The following BCAS3 variants were observed in gnomAD, a reference collection of about 807,000 sequenced individuals.
BCAS3 encodes BCAS3 microtubule associated cell migration factor.
In BCAS3, 53 loss-of-function variants were observed where a neutral mutation model predicts 116.1. That is an observed-to-expected ratio of 0.46 (90% confidence interval 0.37 to 0.57). The LOEUF (loss-of-function observed/expected upper bound fraction) is 0.57. Ranked by LOEUF, BCAS3 falls within the 20% of genes least tolerant of loss-of-function variation. BCAS3 has a pLI of 0.00. For missense variants in BCAS3, 917 were observed against 1,165.4 expected, an observed-to-expected ratio of 0.79 and a Z score of 3.10; for synonymous variants, 391 against 408.2, an observed-to-expected ratio of 0.96 and a Z score of 0.51.
At position 61,151,445 on chromosome 17, in the gene BCAS3, A is replaced by C. The variant is rs1433523908; in HGVS notation, c.2425+66881A>C. Among the ~76,000 whole-genome samples the C allele has an allele frequency of 1.3e-5, 2 of 150,328 alleles. No individual in the cohort carries two copies. Among genetic ancestry groups the C allele is most frequent in the Non-Finnish European group, 3.0e-5 (2 of 67,778 alleles). The stretch of plus-strand genomic sequence containing the variant: ...TTCCGCAAATTCCTGCATTGCTTCT[A>C]ATCTAAACATCTCTTTCATTCAACG... On this transcript the variant is annotated intron_variant, in intron 22 of 23. Coordinates refer to ENST00000407086, the MANE Select transcript of BCAS3 (RefSeq NM_017679.5). The surrounding 1 kb of genome is among the most constrained non-coding windows in gnomAD (Gnocchi z 4.8).
chr17:60,734,387 C>A (rs967872727), intron 5 of BCAS3, among the ~76,000 whole-genome samples: 1 of 152,206 alleles, frequency 6.6e-6, no homozygotes, highest in South Asian at 2.1e-4. Flanking sequence ...ACTTCAGCCT[C>A]CCAAAGTGCT....
At chr17:60,691,221 C>T (rs1260371683) in intron 4 of BCAS3, among the ~76,000 whole-genome samples, 1 of 152,166 alleles carries the variant, frequency 6.6e-6, no homozygotes, top group Non-Finnish European at 1.5e-5. Flanking sequence ...GTGTGAGCCA[C>T]TGCGCCCAGC....
intron 22 of BCAS3, among the ~76,000 whole-genome samples, chr17:61,287,222 T>C (rs1255237092): frequency 6.6e-6 from 1 of 150,678 alleles, no homozygotes; most frequent in Non-Finnish European, 1.5e-5. Context: ...CACTCCAGCC[T>C]GGGCAACAGA....
chr17:60,789,296 C>T lies in BCAS3; in HGVS notation c.404-18708C>T, dbSNP rs1041269674. The stretch of plus-strand genomic sequence containing the variant: ...TTTATGTCTTGAAAAATCCTTAAGG[C>T]TGATTTCTGAGCTTAAATCCTTTGG... On this transcript the variant is annotated intron_variant, in intron 6 of 23. Coordinates refer to ENST00000407086, the MANE Select transcript of BCAS3 (RefSeq NM_017679.5). Among the ~76,000 whole-genome samples the T allele has an allele frequency of 1.2e-4, 18 of 152,084 alleles. 1 individual carries two copies. Among genetic ancestry groups the T allele is most frequent in the African/African-American group, 4.1e-4 (17 of 41,420 alleles).
At chr17:60,906,027 C>T (rs2058171376) in intron 11 of BCAS3, among the ~76,000 whole-genome samples, 1 of 152,208 alleles carries the variant, frequency 6.6e-6, no homozygotes, top group African/African-American at 2.4e-5. Context: ...ACCTGACTTC[C>T]AGATATCCCT....
chr17:61,268,586 T>G (rs373597885), intron 22 of BCAS3, among the ~76,000 whole-genome samples: 12 of 149,248 alleles, frequency 8.0e-5, no homozygotes, highest in African/African-American at 2.8e-4. Context: ...GTTTTTTTTG[T>G]TTTTTTTGTT....
At chr17:60,965,897 G>A (rs2061636736) in intron 14 of BCAS3, among the ~76,000 whole-genome samples, 1 of 152,110 alleles carries the variant, frequency 6.6e-6, no homozygotes. Flanking sequence ...TTTCATTGTT[G>A]ATTTTATGTC....
rs574787842 is a variant in BCAS3, at chr17:61,348,057, A to G, written c.2426-20270A>G. 3.3e-5 allele frequency among the ~76,000 whole-genome samples: 5 copies of G among 152,362 alleles called. No homozygotes were observed. Among genetic ancestry groups the G allele is most frequent in the Admixed American group, 3.3e-4 (5 of 15,314 alleles). Reference sequence around the variant, plus strand: ...GAAGAATGAATTGAAGGGAAGCCACATTAATAGGCGGAAAGACCAGTTTAA... The same window carrying G: ...GAAGAATGAATTGAAGGGAAGCCACGTTAATAGGCGGAAAGACCAGTTTAA... On this transcript the variant is annotated intron_variant, in intron 22 of 23. Coordinates refer to ENST00000407086, the MANE Select transcript of BCAS3 (RefSeq NM_017679.5). The surrounding 1 kb of genome is among the most constrained non-coding windows in gnomAD (Gnocchi z 4.5).
At chr17:60,861,079 G>C (rs1046368879) in intron 7 of BCAS3, among the ~76,000 whole-genome samples, 2 of 152,072 alleles carry the variant, frequency 1.3e-5, no homozygotes, top group African/African-American at 4.8e-5. Context: ...AGTTGCTTTG[G>C]GTAGTATGGA....
At chr17:60,911,445 G>A (rs1159855976) in intron 12 of BCAS3, among the ~76,000 whole-genome samples, 2 of 152,062 alleles carry the variant, frequency 1.3e-5, no homozygotes, top group African/African-American at 2.4e-5. Flanking sequence ...ATGTAGGTGC[G>A]TGCCTCCATG....
intron 7 of BCAS3, among the ~76,000 whole-genome samples, chr17:60,811,827 C>T (rs56902904): frequency 0.04 from 6,080 of 152,238 alleles, 459 homozygotes; most frequent in African/African-American, 0.14. Flanking sequence ...GCCAGCGGAT[C>T]GCTTGAGCTC....
chr17:61,008,557 A>G lies in BCAS3; in HGVS notation c.1487-7194A>G, dbSNP rs1314250387. 6.6e-6 allele frequency among the ~76,000 whole-genome samples: 1 copy of G among 151,568 alleles called. No individual in the cohort carries two copies. The highest frequency in any genetic ancestry group is 1.9e-4 in the East Asian group (1 of 5,184). On this transcript the variant is annotated intron_variant, in intron 15 of 23. Transcript: ENST00000407086. This position sits in a 1 kb window ranked among gnomAD's most constrained non-coding sequence, Gnocchi z 4.6. ...TTCTTTGACAGAGTCAAGAAGTCAG[A>G]GCTTTTCAACTACAGAATTAACTTA... is the stretch of plus-strand genomic sequence containing the variant.
In BCAS3 at chr17:61,077,018, C is replaced by CA. The variant is rs1324848072; in HGVS notation, c.2131-1310dup. 6.6e-6 allele frequency among the ~76,000 whole-genome samples: 1 copy of CA among 151,040 alleles called. No individual in the cohort carries two copies. Among genetic ancestry groups the CA allele is most frequent in the Non-Finnish European group, 1.5e-5 (1 of 67,896 alleles). On this transcript the variant is annotated intron_variant, in intron 20 of 23. Coordinates refer to ENST00000407086, the MANE Select transcript of BCAS3 (RefSeq NM_017679.5). This position sits in a 1 kb window ranked among gnomAD's most constrained non-coding sequence, Gnocchi z 4.3. ...TGATTAAATATAAAAGAACTCAGGA[C>CA]AAAAATAAGGCATGTGGGAAGTCAA...
At chr17:60,824,167 C>A (rs2050188076) in intron 7 of BCAS3, among the ~76,000 whole-genome samples, 2 of 152,058 alleles carry the variant, frequency 1.3e-5, no homozygotes, top group Admixed American at 1.3e-4. Context: ...AAATGATTTT[C>A]CATTTAATGC....
chr17:61,185,768 T>A (rs8078026), intron 22 of BCAS3, among the ~76,000 whole-genome samples: 98,982 of 152,092 alleles, frequency 0.65, 35,362 homozygotes, highest in South Asian at 0.86. Flanking sequence ...AATGCAGAAG[T>A]CATTTATTAA....
At chr17:61,370,972 A>G (rs1421065337) in intron 23 of BCAS3, among the ~76,000 whole-genome samples, 3 of 151,970 alleles carry the variant, frequency 2.0e-5, no homozygotes, top group African/African-American at 4.8e-5. Context: ...CCACAACTCT[A>G]CTTCTCTAGG....
Position 61,332,044 on chromosome 17 carries a change from G to C in BCAS3, c.2426-36283G>C, listed in dbSNP as rs2056335869. Among the ~76,000 whole-genome samples, 1 of 152,156 alleles carries C rather than the reference G, an allele frequency of 6.6e-6. No homozygotes were observed. The highest frequency in any genetic ancestry group is 6.5e-5 in the Admixed American group (1 of 15,278). ...GCTAATCTTCTCCATATGCGTGTCT[G>C]GTTTGGCATGTGGGTCTCGACCTCC... On this transcript the variant is annotated intron_variant, in intron 22 of 23. Transcript: ENST00000407086. The surrounding 1 kb of genome is among the most constrained non-coding windows in gnomAD (Gnocchi z 5.4).
Position 61,324,450 on chromosome 17 carries a change from A to G in BCAS3, c.2426-43877A>G, listed in dbSNP as rs949347175. On this transcript the variant is annotated intron_variant, in intron 22 of 23. Coordinates refer to ENST00000407086, the MANE Select transcript of BCAS3 (RefSeq NM_017679.5). This position sits in a 1 kb window ranked among gnomAD's most constrained non-coding sequence, Gnocchi z 4.6. ...TGTGTGGTAGTATTAATATATGTAC[A>G]TGTAATATTTGTGTGCGTTTAATCC... Among the ~76,000 whole-genome samples the G allele has an allele frequency of 6.6e-6, 1 of 152,196 alleles. No individual in the cohort carries two copies. Among genetic ancestry groups the G allele is most frequent in the African/African-American group, 2.4e-5 (1 of 41,452 alleles).
intron 6 of BCAS3, among the ~76,000 whole-genome samples, chr17:60,766,465 G>A (rs748999496): frequency 6.6e-6 from 1 of 152,204 alleles, no homozygotes; most frequent in Non-Finnish European, 1.5e-5. Flanking sequence ...CTGCAGGTCT[G>A]TTGGAGTTTG....
Sources: gnomAD v4.1 joint callset for allele counts (sites outside exome capture counted in the v4.1 genomes callset) on GRCh38, gnomAD v4.1.1 for gene constraint, Gnocchi (gnomAD v3.1) non-coding constraint, MANE v1.5 for transcripts, NCBI Gene and HGNC (gene_info 2026-07-23, HGNC 2026-07-21) for gene names.